Variants in CCDC183 observed in about 807,000 individuals in gnomAD.
CCDC183 encodes the protein coiled-coil domain-containing protein 183.
A neutral mutation model predicts 65.2 loss-of-function variants in CCDC183; 63 were observed. The ratio of observed to expected loss-of-function variants is 0.97; its 90% CI spans 0.79 to 1.19. The LOEUF (loss-of-function observed/expected upper bound fraction) is 1.19. Among genes scored for constraint, CCDC183 ranks in the 50% most tolerant of loss-of-function variants. The pLI is 0.00. For missense variants in CCDC183, 769 were observed against 689.3 expected (o/e 1.12, Z -1.30); for synonymous variants, 323 against 276.5 (o/e 1.17, Z -1.67).
intron 2 of CCDC183, 60 bp downstream of exon 2, chr9:136,799,283 A>C: frequency 6.5e-7 from 1 of 1,530,036 alleles, no homozygotes; most frequent in Non-Finnish European, 8.8e-7. Context: ...GAGTACACAC[A>C]CACTCGGAGG....
At chr9:136,807,487 G>A in intron 13 of CCDC183, 85 bp from the exon 14 acceptor site, 1 of 1,458,518 alleles carries the variant, frequency 6.9e-7, no homozygotes, top group Middle Eastern at 2.2e-4. Context: ...GGCCCGGGTC[G>A]GTGGAGGGCG....
At chr9:136,803,181 G>A (rs535908692) in intron 6 of CCDC183, among the ~76,000 whole-genome samples, 1 of 48,378 alleles carries the variant, frequency 2.1e-5, no homozygotes, top group Admixed American at 1.6e-4. Context: ...TTGGATCTTC[G>A]GATGGGGTCA....
In CCDC183 at chr9:136,807,708, C is replaced by T. The variant is rs1171272768; in HGVS notation, c.*18C>T. 2.5e-6 allele frequency: 4 copies of T among 1,586,216 alleles called. No homozygotes were observed. The highest frequency in any genetic ancestry group is 3.4e-6 in the Non-Finnish European group (4 of 1,166,338). ...AGAAGTAGCCCCGCCGCCCCGCTCC[C>T]TGCTTTGCTACACAAATAAACATTT... On this transcript the variant is annotated 3_prime_UTR_variant, in exon 14 of 14. Coordinates refer to ENST00000338005, the MANE Select transcript of CCDC183 (RefSeq NM_001039374.5).
rs1052477300 is a variant in CCDC183, at chr9:136,806,112, C to T, written c.983C>T (p.Thr328Met). The change falls in exon 10 of 14, where the codon ACG becomes ATG. Residue 328 changes from threonine to methionine, a missense_variant. Coordinates refer to ENST00000338005, the MANE Select transcript of CCDC183 (RefSeq NM_001039374.5). ...ITSRFLAQRN[T>M]EENLELQMED... ...AGCCGCTTCCTGGCCCAGAGGAACA[C>T]GGAGGAGAACCTGGAGCTGCAGATG... 31 of 1,553,602 alleles carry T rather than the reference C, an allele frequency of 2.0e-5. No individual in the cohort carries two copies. Among genetic ancestry groups the T allele is most frequent in the African/African-American group, 1.2e-4 (9 of 73,252 alleles).
chr9:136,802,618 T>C, intron 5 of CCDC183, 46 bp from the exon 6 acceptor site: 1 of 1,564,944 alleles, frequency 6.4e-7, no homozygotes, highest in Non-Finnish European at 8.6e-7. Context: ...TCGGGGCAAC[T>C]GCAGCCCACT....
At chr9:136,807,102 G>C (rs1426636282) in intron 13 of CCDC183, 36 bp downstream of exon 13, 1 of 1,603,224 alleles carries the variant, frequency 6.2e-7, no homozygotes, top group Non-Finnish European at 8.5e-7. Flanking sequence ...GGCTGCAGGC[G>C]GGTGGCTGGA....
intron 1 of CCDC183, among the ~76,000 whole-genome samples, chr9:136,798,383 C>G (rs553422840): frequency 1.3e-5 from 2 of 152,108 alleles, no homozygotes; most frequent in Admixed American, 1.3e-4. Flanking sequence ...TCACTGCAAC[C>G]TCCACCTCCT....
At chr9:136,806,401 C>A in intron 10 of CCDC183, 103 bp from the exon 11 acceptor site, 2 of 1,502,910 alleles carry the variant, frequency 1.3e-6, no homozygotes, top group Non-Finnish European at 1.8e-6. Flanking sequence ...TTCTGAGTCC[C>A]TGATTCTGGC....
In CCDC183 at chr9:136,802,744, G is replaced by A. The variant is rs1346320540; in HGVS notation, c.624G>A (p.Lys208=). The change falls in exon 6 of 14, where the codon AAG becomes AAA. Residue 208 remains lysine (K), a synonymous_variant. Transcript: ENST00000338005. ...VNYCSELSDM[K]IMSQDAMMIT... The stretch of plus-strand genomic sequence containing the variant: ...ACTGCTCAGAGCTGTCGGATATGAA[G>A]ATCATGTCCCAAGATGCCATGATGA... 3.7e-6 allele frequency: 6 copies of A among 1,613,430 alleles called. No individual in the cohort carries two copies. The highest frequency in any genetic ancestry group is 1.3e-5 in the African/African-American group (1 of 75,086).
chr9:136,804,385 G>A lies in CCDC183; in HGVS notation c.667-117G>A. On this transcript the variant is annotated intron_variant, in intron 6 of 13. Transcript: ENST00000338005. This position sits in a 1 kb window ranked among gnomAD's most constrained non-coding sequence, Gnocchi z 4.1. ...AGGAAAAGGGTGTGGCCATTGGCCG[G>A]GGATGCAGTTCCAAAGTCTAGTAAG... 1 of 1,378,572 alleles carries A rather than the reference G, an allele frequency of 7.3e-7. No homozygotes were observed. The highest frequency in any genetic ancestry group is 9.7e-7 in the Non-Finnish European group (1 of 1,031,126). The allele number at this position is 1,378,572 out of a possible 1,614,324, so 85.4% of individuals were successfully genotyped here.
At chr9:136,807,191 G>A (rs1028016363) in intron 13 of CCDC183, 125 bp downstream of exon 13, 1 of 826,276 alleles carries the variant, frequency 1.2e-6, no homozygotes, top group Non-Finnish European at 1.9e-6. Flanking sequence ...TGCATCAGTT[G>A]TACCTGCAGG....
In CCDC183 at chr9:136,796,469, T is replaced by G. The variant is rs1449178428; in HGVS notation, c.70+2T>G. The G allele has an allele frequency of 5.1e-6, 8 of 1,559,880 alleles. No individual in the cohort carries two copies. Among genetic ancestry groups the G allele is most frequent in the Non-Finnish European group, 7.0e-6 (8 of 1,150,596 alleles). ...TGAAGACCATCACTCAGCTCCAGGG[T>G]GAGCCTGCACCGCCGTGACCAGTCT... On this transcript the variant is annotated splice_donor_variant, in intron 1 of 13. Transcript: ENST00000338005. LOFTEE classifies it high-confidence loss of function.
In CCDC183 at chr9:136,806,239, G is replaced by GT; in HGVS notation, c.1109+2dup. Reference sequence around the variant, plus strand: ...TCCGCCAGAAGCCTAGCTCCATCAGGTGCCCCGGGCTTCCGGGGCTGCGGG... The same window carrying GT: ...TCCGCCAGAAGCCTAGCTCCATCAGGTTGCCCCGGGCTTCCGGGGCTGCGGG... On this transcript the variant is annotated splice_donor_variant, in intron 10 of 13. Transcript: ENST00000338005. LOFTEE classifies it high-confidence loss of function. 1 of 1,589,812 alleles carries GT rather than the reference G, an allele frequency of 6.3e-7. No individual in the cohort carries two copies. The highest frequency in any genetic ancestry group is 8.6e-7 in the Non-Finnish European group (1 of 1,168,166).
At chr9:136,799,848 C>A in intron 3 of CCDC183, 58 bp downstream of exon 3, 4 of 1,540,050 alleles carry the variant, frequency 2.6e-6, no homozygotes, top group Admixed American at 3.5e-5. Context: ...CAGCACCCCC[C>A]CACTAGATGT....
chr9:136,799,426 C>T, intron 2 of CCDC183: 1 of 909,062 alleles, frequency 1.1e-6, no homozygotes, highest in Non-Finnish European at 1.6e-6. Context: ...CACCACCCAA[C>T]CCGAGGGCTT....
At chr9:136,796,899 T>C (rs1847656890) in intron 1 of CCDC183, among the ~76,000 whole-genome samples, 1 of 152,110 alleles carries the variant, frequency 6.6e-6, no homozygotes, top group African/African-American at 2.4e-5. Flanking sequence ...GCCTGAGATA[T>C]GGCCTCGTGG....
chr9:136,797,155 T>C (rs965293765), intron 1 of CCDC183, among the ~76,000 whole-genome samples: 1 of 152,212 alleles, frequency 6.6e-6, no homozygotes, highest in African/African-American at 2.4e-5. Context: ...TGTTACTCTT[T>C]GCTACACTGA....
In CCDC183 at chr9:136,804,762, G is replaced by T. The variant is rs1847812859; in HGVS notation, c.793G>T (p.Gly265Cys). 1 of 1,613,720 alleles carries T rather than the reference G, an allele frequency of 6.2e-7. No homozygotes were observed. The highest frequency in any genetic ancestry group is 1.3e-5 in the African/African-American group (1 of 74,854). Residue 265 changes from glycine to cysteine, a missense_variant and splice_region_variant, in exon 8 of 14, where the codon GGC becomes TGC. By Grantham distance (159) the Gly-to-Cys change is radical. Coordinates refer to ENST00000338005, the MANE Select transcript of CCDC183 (RefSeq NM_001039374.5). This position sits in a 1 kb window ranked among gnomAD's most constrained non-coding sequence, Gnocchi z 4.1. ...TKETSEKYRRGQMDLDFPSNL... is the reference protein window; with the variant it reads ...TKETSEKYRRCQMDLDFPSNL... ...CTTCCCCGCCCCCACCTCCCATCAG[G>T]GCCAGATGGACTTGGACTTCCCCTC...
intron 3 of CCDC183, 64 bp from the exon 4 acceptor site, chr9:136,799,938 T>C (rs1847710186): frequency 6.5e-7 from 1 of 1,537,512 alleles, no homozygotes; most frequent in Non-Finnish European, 8.8e-7. Flanking sequence ...CCCGCCCGCC[T>C]GCTGGCGGGC....
Sources: allele counts gnomAD v4.1 joint callset (sites outside exome capture counted in the v4.1 genomes callset), GRCh38; gene constraint gnomAD v4.1.1; non-coding constraint Gnocchi (gnomAD v3.1); transcripts MANE v1.5; gene names NCBI Gene and HGNC (gene_info 2026-07-23, HGNC 2026-07-21).